The following GLDC variants were observed in gnomAD, a reference collection of about 807,000 sequenced individuals.
GLDC encodes glycine decarboxylase.
In GLDC, 104 loss-of-function variants were observed where a neutral mutation model predicts 121.3. That is an observed-to-expected ratio of 0.86 (90% CI 0.73 to 1.01). GLDC has a LOEUF of 1.01. Among genes scored for constraint, GLDC ranks in the 50% least tolerant of loss-of-function variants. The pLI is 0.00. For missense variants in GLDC, 1,429 were observed against 1,306.6 expected, an observed-to-expected ratio of 1.09 and a Z score of -1.44; for synonymous variants, 546 against 480.6, an observed-to-expected ratio of 1.14 and a Z score of -1.78.
intron 1 of GLDC, 36 bp downstream of exon 1, chr9:6,645,209 A>G (rs1819717594): frequency 1.3e-6 from 2 of 1,549,874 alleles, no homozygotes; most frequent in South Asian, 1.2e-5. Flanking sequence ...GGCAGGGCGG[A>G]GGGGAGGCCG....
At chr9:6,560,976 G>A (rs1020083481) in intron 16 of GLDC, among the ~76,000 whole-genome samples, 6 of 152,202 alleles carry the variant, frequency 3.9e-5, no homozygotes, top group African/African-American at 1.4e-4. Context: ...GACTGAAGCA[G>A]GAAGCTCGAG....
chr9:6,639,120 A>G, intron 2 of GLDC: 1 of 731,548 alleles, frequency 1.4e-6, no homozygotes, highest in Non-Finnish European at 2.5e-6. Context: ...ATTAATGACA[A>G]AAACAGAGCT....
At chr9:6,555,045 TAC>T in intron 18 of GLDC, 1 of 528,920 alleles carries the variant, frequency 1.9e-6, no homozygotes, top group South Asian at 2.0e-5. Context: ...TGGATTTGAA[TAC>T]ACAGTCTCTT....
intron 18 of GLDC, among the ~76,000 whole-genome samples, chr9:6,555,689 G>T (rs1386782764): frequency 6.6e-6 from 1 of 152,162 alleles, no homozygotes; most frequent in Non-Finnish European, 1.5e-5. Context: ...CTACTCGGGA[G>T]GCTGAGGCAG....
At chr9:6,608,114 C>G (rs1818772790) in intron 4 of GLDC, among the ~76,000 whole-genome samples, 1 of 151,428 alleles carries the variant, frequency 6.6e-6, no homozygotes, top group African/African-American at 2.4e-5. Flanking sequence ...CAAACCCTGC[C>G]TCAAAAAAAC....
chr9:6,573,511 T>C (rs771716271), intron 15 of GLDC, among the ~76,000 whole-genome samples: 1 of 150,652 alleles, frequency 6.6e-6, no homozygotes, highest in Non-Finnish European at 1.5e-5. Flanking sequence ...TAAAAAAAAA[T>C]CCATCATCAG....
chr9:6,572,086 C>T (rs1405050855), intron 15 of GLDC, among the ~76,000 whole-genome samples: 3 of 152,022 alleles, frequency 2.0e-5, no homozygotes, highest in African/African-American at 4.8e-5. Context: ...TATGAAATTT[C>T]TGGGAAAAAC....
chr9:6,629,377 G>C (rs1248384647), intron 2 of GLDC, among the ~76,000 whole-genome samples: 3 of 151,866 alleles, frequency 2.0e-5, no homozygotes, highest in African/African-American at 7.3e-5. Flanking sequence ...ACCATGCCCG[G>C]CTAATTTTTG....
At chr9:6,615,593 A>G (rs1563862624) in intron 3 of GLDC, among the ~76,000 whole-genome samples, 1 of 151,958 alleles carries the variant, frequency 6.6e-6, no homozygotes, top group South Asian at 2.1e-4. Context: ...AAAAAAAAAA[A>G]AAAGACCTAG....
intron 11 of GLDC, 48 bp downstream of exon 11, chr9:6,592,095 C>T (rs750197226): frequency 1.7e-6 from 2 of 1,150,304 alleles, no homozygotes; most frequent in South Asian, 1.2e-5. Context: ...ACTTTTGCTA[C>T]CACCTCCAAT....
At chr9:6,590,024 C>G (rs889958185) in intron 11 of GLDC, among the ~76,000 whole-genome samples, 1 of 151,512 alleles carries the variant, frequency 6.6e-6, no homozygotes, top group African/African-American at 2.4e-5. Context: ...CACTGCACGC[C>G]ACCCTGGGCG....
chr9:6,596,957 A>C (rs1379320358), intron 8 of GLDC, among the ~76,000 whole-genome samples: 2 of 152,264 alleles, frequency 1.3e-5, no homozygotes, highest in African/African-American at 4.8e-5. Context: ...CAGCAGGCTT[A>C]TTTGAAACAC....
chr9:6,630,275 AAAAT>A (rs1048271204), intron 2 of GLDC, among the ~76,000 whole-genome samples: 2 of 152,052 alleles, frequency 1.3e-5, no homozygotes, highest in African/African-American at 4.8e-5. Context: ...TCTCAGAAAA[AAAAT>A]AAATAAATAA....
At chr9:6,587,072 C>T (rs1818285581) in intron 15 of GLDC, 69 bp downstream of exon 15, 3 of 1,311,104 alleles carry the variant, frequency 2.3e-6, no homozygotes, top group Non-Finnish European at 3.3e-6. Context: ...TGTTCTAAGC[C>T]TTTAAGTTTT....
chr9:6,604,967 G>A lies in GLDC; in HGVS notation c.861+164C>T, dbSNP rs188090186. On this transcript the variant is annotated intron_variant, in intron 6 of 24. Transcript: ENST00000321612. ...TGCCCACCATGTGCCAGGAATCCGG[G>A]AACAGAAAAAAGTAGCAGCAAGGAG... Among the ~76,000 whole-genome samples, 131 of 152,212 alleles carry A rather than the reference G, an allele frequency of 8.6e-4. 2 individuals are homozygous for A. Among genetic ancestry groups the A allele is most frequent in the Non-Finnish European group, 1.7e-3 (116 of 68,008 alleles).
chr9:6,539,868 G>A (rs1817218923), intron 22 of GLDC, among the ~76,000 whole-genome samples, 183 bp downstream of exon 22: 1 of 152,162 alleles, frequency 6.6e-6, no homozygotes, highest in African/African-American at 2.4e-5. Flanking sequence ...ATCTTCTGAA[G>A]GGCAGGACCA....
intron 2 of GLDC, among the ~76,000 whole-genome samples, chr9:6,630,060 G>A (rs925024949): frequency 2.0e-5 from 3 of 149,608 alleles, no homozygotes; most frequent in Non-Finnish European, 3.0e-5. Flanking sequence ...AAAGTGCTGG[G>A]ATTACAGGCA....
intron 23 of GLDC, 195 bp downstream of exon 23, chr9:6,535,869 T>G (rs761012896): frequency 4.2e-5 from 26 of 616,510 alleles, no homozygotes; most frequent in African/African-American, 7.2e-5. Flanking sequence ...CACAACCACA[T>G]CATCCTTGAG....
intron 2 of GLDC, among the ~76,000 whole-genome samples, chr9:6,629,702 G>C (rs2129979709): frequency 6.6e-6 from 1 of 151,468 alleles, no homozygotes; most frequent in East Asian, 1.9e-4. Context: ...TCAATTATAA[G>C]GGAAAATGTA....
Sources: gnomAD v4.1 joint callset for allele counts (sites outside exome capture counted in the v4.1 genomes callset) on GRCh38, gnomAD v4.1.1 for gene constraint, MANE v1.5 for transcripts, NCBI Gene and HGNC (gene_info 2026-07-23, HGNC 2026-07-21) for gene names.